The following ACOT9 variants were observed in gnomAD, a reference collection of about 807,000 sequenced individuals.
ACOT9 encodes acyl-coenzyme A thioesterase 9, mitochondrial.
A neutral mutation model predicts 39.7 loss-of-function variants in ACOT9; 34 were observed. That is an observed-to-expected ratio of 0.86 (90% CI 0.65 to 1.14). The LOEUF (loss-of-function observed/expected upper bound fraction) is 1.14, where lower values mean the gene tolerates loss of function less well. Ranked by LOEUF, ACOT9 falls within the 50% of genes most tolerant of loss-of-function variation. The probability of loss-of-function intolerance (pLI) is 0.00; values close to 1 mark genes in which losing one functional copy is unlikely to be tolerated. For synonymous variants in ACOT9, 110 were observed against 120.5 expected (o/e 0.91, Z 0.57); for missense variants, 313 against 344.1 (o/e 0.91, Z 0.71).
At chrX:23,737,373 C>T (rs976300126) in intron 1 of ACOT9, among the ~76,000 whole-genome samples, 3 of 111,551 alleles carry the variant, frequency 2.7e-5, no homozygotes, top group Admixed American at 9.6e-5. Context: ...GATACTGTCA[C>T]TCATTCCAGT....
At chrX:23,717,064 C>T (rs1170171799) in intron 8 of ACOT9, among the ~76,000 whole-genome samples, 2 of 111,448 alleles carry the variant, frequency 1.8e-5, no homozygotes, top group African/African-American at 6.5e-5. Flanking sequence ...ACCATATTGG[C>T]CAGGCTGGTC....
At chrX:23,706,973 C>A in intron 10 of ACOT9, 1 of 275,877 alleles carries the variant, frequency 3.6e-6, no homozygotes, top group Non-Finnish European at 6.4e-6. Context: ...TGCAGTTATC[C>A]CATTGAGATG....
Position 23,705,075 on chromosome X carries a change from G to A in ACOT9, c.1025C>T (p.Ser342Phe), listed in dbSNP as rs754131492. The A allele has an allele frequency of 8.3e-7, 1 of 1,209,834 alleles. No individual in the cohort carries two copies. The highest frequency in any genetic ancestry group is 3.0e-5 in the East Asian group (1 of 33,842). ...ATCTACTGCTACCACAAACGGTCGA[G>A]AACCACTGTTGGGGGAAAGGACAGA... is the stretch of plus-strand genomic sequence containing the variant. ...AWATACSFGG[S>F]RPFVVAVDDI... The change falls in exon 14 of 16, where the codon TCT (serine) becomes TTT (phenylalanine). Residue 342 changes from serine to phenylalanine, a missense_variant. Physicochemically the swap from Ser to Phe is radical, Grantham distance 155. Coordinates refer to ENST00000379303, the MANE Select transcript of ACOT9 (RefSeq NM_001037171.2).
intron 5 of ACOT9, 97 bp from the exon 6 acceptor site, chrX:23,730,661 T>C: frequency 1.0e-6 from 1 of 988,721 alleles, no homozygotes; most frequent in African/African-American, 1.9e-5. Context: ...TGTTCTAAAA[T>C]TGACTGTGGT....
At chrX:23,720,113 G>A (rs939130415) in intron 8 of ACOT9, among the ~76,000 whole-genome samples, 13 of 112,901 alleles carry the variant, frequency 1.2e-4, no homozygotes, top group African/African-American at 1.6e-4. Context: ...GATTACAGGC[G>A]TGAGCCACCG....
intron 8 of ACOT9, among the ~76,000 whole-genome samples, chrX:23,714,106 G>A (rs772540830): frequency 1.8e-5 from 2 of 111,363 alleles, no homozygotes; most frequent in Non-Finnish European, 3.8e-5. Context: ...GTTTGGAACT[G>A]TGCAAGACTG....
chrX:23,717,657 C>T (rs1336022289), intron 8 of ACOT9, among the ~76,000 whole-genome samples: 1 of 110,713 alleles, frequency 9.0e-6, no homozygotes, highest in African/African-American at 3.3e-5. Context: ...CAGTTTGGAA[C>T]ATACTGTTTA....
At chrX:23,733,724 G>A (rs909376237) in intron 3 of ACOT9, among the ~76,000 whole-genome samples, 6 of 105,761 alleles carry the variant, frequency 5.7e-5, no homozygotes, top group African/African-American at 1.4e-4. Flanking sequence ...GATTACAGGC[G>A]CTGTGCCACC....
rs1009288169 is a variant in ACOT9 at position 23,724,719 on chromosome X, T to C, written c.401-1966A>G. Among the ~76,000 whole-genome samples the C allele has an allele frequency of 2.8e-5, 3 of 108,391 alleles. No homozygotes were observed. In the Admixed American group the frequency reaches 3.0e-4, roughly 11 times the overall value. 94.1% of individuals were successfully genotyped at this position (108,391 alleles called of 115,157 possible). ...CCCGAGATGTCGAGGATACAGTGAGTGGTGATCGCACCACTGGACTCCACC... is the reference window on the plus strand; with the variant it reads ...CCCGAGATGTCGAGGATACAGTGAGCGGTGATCGCACCACTGGACTCCACC... On this transcript the variant is annotated intron_variant, in intron 6 of 15. Coordinates refer to ENST00000379303, the MANE Select transcript of ACOT9 (RefSeq NM_001037171.2).
chrX:23,720,486 AAGAGACACC>A (rs887947721), intron 8 of ACOT9, among the ~76,000 whole-genome samples: 2 of 111,396 alleles, frequency 1.8e-5, no homozygotes, highest in African/African-American at 6.5e-5. Context: ...GCATCCTGAC[AAGAGACACC>A]AGAGAGACAG....
intron 6 of ACOT9, 41 bp downstream of exon 6, chrX:23,730,486 T>C (rs1363069726): frequency 1.9e-6 from 2 of 1,042,415 alleles, no homozygotes; most frequent in East Asian, 3.0e-5. Context: ...TCAATGTATA[T>C]CTGTAGGTAT....
At chrX:23,739,327 C>G (rs749983315) in intron 1 of ACOT9, among the ~76,000 whole-genome samples, 43 of 111,431 alleles carry the variant, frequency 3.9e-4, no homozygotes, top group Non-Finnish European at 7.5e-4. Flanking sequence ...GTTTCCTCAT[C>G]TGTAAAATGG....
At chrX:23,718,945 TAGC>T (rs1156898740) in intron 8 of ACOT9, among the ~76,000 whole-genome samples, 1 of 94,105 alleles carries the variant, frequency 1.1e-5, no homozygotes, top group Non-Finnish European at 2.1e-5. Context: ...AGGCAGATCA[TAGC>T]AGCAACCCAG....
intron 9 of ACOT9, among the ~76,000 whole-genome samples, chrX:23,711,035 C>T (rs1601806426): frequency 9.1e-6 from 1 of 109,530 alleles, no homozygotes; most frequent in African/African-American, 3.3e-5. Context: ...AAAAAAAAAA[C>T]GGGCTGGGCG....
intron 13 of ACOT9, 94 bp from the exon 14 acceptor site, chrX:23,705,174 G>A: frequency 1.3e-6 from 1 of 797,127 alleles, no homozygotes; most frequent in Non-Finnish European, 1.9e-6. Context: ...AAATAAAAAT[G>A]AACGAAGAAT....
At chrX:23,705,392 T>G in intron 13 of ACOT9, 117 bp downstream of exon 13, 2 of 582,114 alleles carry the variant, frequency 3.4e-6, no homozygotes, top group Non-Finnish European at 5.7e-6. Flanking sequence ...CAGTGTGGTA[T>G]TCATTCAAAA....
chrX:23,710,112 A>T (rs1373001510), intron 9 of ACOT9, among the ~76,000 whole-genome samples: 1 of 111,882 alleles, frequency 8.9e-6, no homozygotes, highest in East Asian at 2.8e-4. Flanking sequence ...GCTGGTCTCA[A>T]ACTCCTGGGC....
intron 9 of ACOT9, 37 bp from the exon 10 acceptor site, chrX:23,707,981 T>C: frequency 9.2e-6 from 10 of 1,082,614 alleles, no homozygotes; most frequent in Non-Finnish European, 1.3e-5. Flanking sequence ...ATTTAAGATA[T>C]GCCATTATCT....
At chrX:23,742,209 T>TGAGAGAGAGAGAGA (rs760648597) in intron 1 of ACOT9, among the ~76,000 whole-genome samples, 2,460 of 55,725 alleles carry the variant, frequency 0.044, 129 homozygotes, top group East Asian at 0.12. Context: ...GAACAGTGAG[T>TGAGAGAGAGAGAGA]GAGTGAGAGA....
Sources: gnomAD v4.1 joint callset for allele counts (sites outside exome capture counted in the v4.1 genomes callset) on GRCh38, gnomAD v4.1.1 for gene constraint, MANE v1.5 for transcripts, NCBI Gene and HGNC (gene_info 2026-07-23, HGNC 2026-07-21) for gene names.